The following ZBTB8A variants were observed in gnomAD, a reference collection of about 807,000 sequenced individuals.
The protein encoded by ZBTB8A is zinc finger and BTB domain containing 8A.
Under a neutral mutation model 37.8 loss-of-function variants are expected in ZBTB8A, and 19 were observed. The ratio of observed to expected loss-of-function variants is 0.50; its 90% CI spans 0.35 to 0.74. The LOEUF (loss-of-function observed/expected upper bound fraction) is 0.74. ZBTB8A is among the 30% of genes least tolerant of loss of function. The pLI, the probability that ZBTB8A is intolerant of heterozygous loss-of-function variation, is 0.01. For missense variants in ZBTB8A, 394 were observed against 537.8 expected, an observed-to-expected ratio of 0.73 and a Z score of 2.65; for synonymous variants, 181 against 185.2, an observed-to-expected ratio of 0.98 and a Z score of 0.19.
At chr1:32,554,781 A>G (rs1644187435) in intron 2 of ZBTB8A, among the ~76,000 whole-genome samples, 1 of 151,952 alleles carries the variant, frequency 6.6e-6, no homozygotes, top group Non-Finnish European at 1.5e-5. Context: ...ACCCGGCTTT[A>G]TCTTTTTTTT....
In ZBTB8A at chr1:32,601,744, C is replaced by G. The variant is rs1405845501; in HGVS notation, c.*1325C>G. ...GGCAAAGAATAGAAGTCAAACCTCA[C>G]CAGTTGGCAGTCATTATAAAAATAA... On this transcript the variant is annotated 3_prime_UTR_variant, in exon 5 of 5. Coordinates refer to ENST00000373510, the MANE Select transcript of ZBTB8A (RefSeq NM_001040441.3). The G allele has an allele frequency of 1.0e-5, 4 of 398,176 alleles. No individual in the cohort carries two copies. The highest frequency in any genetic ancestry group is 4.4e-6 in the Non-Finnish European group (1 of 225,952). 24.7% of individuals were successfully genotyped at this position (398,176 alleles called of 1,614,324 possible). A position where few individuals can be genotyped will look rare whatever the true frequency, so the allele number is the denominator to read the frequency against.
chr1:32,584,085 A>G (rs1644427746), intron 2 of ZBTB8A, among the ~76,000 whole-genome samples: 1 of 152,090 alleles, frequency 6.6e-6, no homozygotes, highest in South Asian at 2.1e-4. Context: ...TTGTAAAGAT[A>G]CAGAGACACA....
rs1235613223 is a variant in ZBTB8A at position 32,602,355 on chromosome 1, C to T, written c.*1936C>T. 1 of 151,744 alleles carries T rather than the reference C, an allele frequency of 6.6e-6. No homozygotes were observed. The highest frequency in any genetic ancestry group is 1.5e-5 in the Non-Finnish European group (1 of 68,112). 9.4% of individuals were successfully genotyped at this position (151,744 alleles called of 1,614,324 possible). A position where few individuals can be genotyped will look rare whatever the true frequency, so the allele number is the denominator to read the frequency against. On this transcript the variant is annotated 3_prime_UTR_variant, in exon 5 of 5. Transcript: ENST00000373510. ...AAAAAAAAAAAAAAAAAAACTTCTC[C>T]CCTGCATAAATTATGAAACATTCCA...
At chr1:32,586,925 G>C (rs1644453670) in intron 2 of ZBTB8A, among the ~76,000 whole-genome samples, 1 of 152,090 alleles carries the variant, frequency 6.6e-6, no homozygotes, top group African/African-American at 2.4e-5. Flanking sequence ...ATTCAGACTA[G>C]GCTGAAGTTG....
chr1:32,577,727 G>A (rs1222958397), intron 2 of ZBTB8A, among the ~76,000 whole-genome samples: 1 of 150,310 alleles, frequency 6.7e-6, no homozygotes, highest in Non-Finnish European at 1.5e-5. Context: ...GATTACAGGT[G>A]TTTGCCACCA....
intron 2 of ZBTB8A, among the ~76,000 whole-genome samples, chr1:32,583,539 A>G (rs1644423722): frequency 6.6e-6 from 1 of 152,154 alleles, no homozygotes; most frequent in Admixed American, 6.6e-5. Context: ...TTAATGTAAT[A>G]TACCATTTTA....
chr1:32,557,471 A>T (rs930717083), intron 2 of ZBTB8A, among the ~76,000 whole-genome samples: 7 of 152,156 alleles, frequency 4.6e-5, no homozygotes, highest in Non-Finnish European at 1.0e-4. Context: ...ATTTAATTTA[A>T]ATAAAATGTT....
intron 2 of ZBTB8A, among the ~76,000 whole-genome samples, chr1:32,572,868 CTT>C (rs59613737): frequency 7.0e-6 from 1 of 142,374 alleles, no homozygotes. Context: ...TTTATGTCTT[CTT>C]TTTTTTTTTC....
chr1:32,549,178 ACT>A lies in ZBTB8A; in HGVS notation c.-83-4278_-83-4277del, dbSNP rs908994241. 1.8e-4 allele frequency among the ~76,000 whole-genome samples: 27 copies of A among 151,230 alleles called. No homozygotes were observed. In the East Asian group the frequency reaches 2.3e-3, roughly 13 times the overall value. On this transcript the variant is annotated intron_variant, in intron 1 of 4. Transcript: ENST00000373510. ...ACTGCAACCTGGAGGGCAGAGTCAG[ACT>A]CTGTCTCAAAACAAAACAAAACAAA...
intron 2 of ZBTB8A, among the ~76,000 whole-genome samples, chr1:32,573,370 G>T (rs1254160292): frequency 3.4e-5 from 5 of 148,078 alleles, no homozygotes; most frequent in African/African-American, 7.5e-5. Context: ...CACCGCGCCT[G>T]GCCCTTCTCT....
intron 1 of ZBTB8A, among the ~76,000 whole-genome samples, chr1:32,544,613 C>T (rs1644087785): frequency 1.3e-5 from 2 of 152,234 alleles, no homozygotes; most frequent in South Asian, 4.1e-4. Context: ...AGGAGAACTG[C>T]TTTAACCCAG....
chr1:32,582,636 T>A (rs1215402461), intron 2 of ZBTB8A, among the ~76,000 whole-genome samples: 3 of 150,340 alleles, frequency 2.0e-5, no homozygotes, highest in Admixed American at 2.0e-4. Context: ...GGAGTGAAAC[T>A]CTCTCAAAAA....
At chr1:32,551,458 T>G (rs1644155143) in intron 1 of ZBTB8A, among the ~76,000 whole-genome samples, 1 of 151,952 alleles carries the variant, frequency 6.6e-6, no homozygotes, top group Non-Finnish European at 1.5e-5. Context: ...CTCATGCCTG[T>G]AATCCCAGCA....
At position 32,585,204 on chromosome 1, in the gene ZBTB8A, C is replaced by T. The variant is rs560068389; in HGVS notation, c.-1-7727C>T. Among the ~76,000 whole-genome samples the T allele has an allele frequency of 2.2e-3, 330 of 151,004 alleles. 1 individual carries two copies. The highest frequency in any genetic ancestry group is 0.014 in the Middle Eastern group (4 of 294). On this transcript the variant is annotated intron_variant, in intron 2 of 4. Transcript: ENST00000373510. The stretch of plus-strand genomic sequence containing the variant: ...TGCCATTTTCTTATTTTTGTAGAGA[C>T]AGTCTCCCTATGTTGCCCAGGCTGC...
chr1:32,542,728 A>G (rs1208034225), intron 1 of ZBTB8A, among the ~76,000 whole-genome samples: 9 of 152,158 alleles, frequency 5.9e-5, no homozygotes, highest in Admixed American at 4.6e-4. Context: ...GTCTTTCCCA[A>G]CCACCTTTTT....
rs1481203038 is a variant in ZBTB8A at position 32,604,571 on chromosome 1, A to G, written c.*4152A>G. 6.6e-6 allele frequency: 1 copy of G among 152,180 alleles called. No individual in the cohort carries two copies. Among genetic ancestry groups the G allele is most frequent in the Non-Finnish European group, 1.5e-5 (1 of 68,034 alleles). 9.4% of individuals were successfully genotyped at this position (152,180 alleles called of 1,614,324 possible). ...ATGATGTTCCTTCTATGGGTATCAG[A>G]TCTTAAGACTTTTTAAAATTTAGGA... On this transcript the variant is annotated 3_prime_UTR_variant, in exon 5 of 5. Coordinates refer to ENST00000373510, the MANE Select transcript of ZBTB8A (RefSeq NM_001040441.3).
rs1331016274 is a variant in ZBTB8A at position 32,581,236 on chromosome 1, A to G, written c.-1-11695A>G. On this transcript the variant is annotated intron_variant, in intron 2 of 4. Coordinates refer to ENST00000373510, the MANE Select transcript of ZBTB8A (RefSeq NM_001040441.3). ...TATATATAATATAATATAATATATT[A>G]TATAATTGTAATATATAGATATATA... Among the ~76,000 whole-genome samples the G allele has an allele frequency of 4.1e-4, 3 of 7,320 alleles. No individual in the cohort carries two copies. In the East Asian group the frequency reaches 9.9e-3, roughly 24 times the overall value. 4.8% of individuals were successfully genotyped at this position (7,320 alleles called of 152,430 possible).
At chr1:32,589,543 G>T (rs1010063744) in intron 2 of ZBTB8A, among the ~76,000 whole-genome samples, 2 of 148,798 alleles carry the variant, frequency 1.3e-5, no homozygotes, top group South Asian at 2.1e-4. Flanking sequence ...GAGCCACCGC[G>T]CCCAGCCTGT....
At chr1:32,554,361 TTTGAATACTC>T (rs1402723536) in intron 2 of ZBTB8A, among the ~76,000 whole-genome samples, 3 of 151,850 alleles carry the variant, frequency 2.0e-5, no homozygotes, top group African/African-American at 7.2e-5. Context: ...ACATCTTTAT[TTTGAATACTC>T]TCTTAAGGAG....
Sources: allele counts gnomAD v4.1 joint callset (sites outside exome capture counted in the v4.1 genomes callset), GRCh38; gene constraint gnomAD v4.1.1; transcripts MANE v1.5; gene names NCBI Gene and HGNC (gene_info 2026-07-23, HGNC 2026-07-21).